Variants in CCDC7 observed in about 807,000 individuals in gnomAD.
The protein encoded by CCDC7 is coiled-coil domain containing 7.
CCDC7 carries 183 observed loss-of-function variants against 196.9 expected under a neutral mutation model. That is an observed-to-expected ratio of 0.93 (90% CI 0.82 to 1.05). The LOEUF is 1.05. Ranked by LOEUF, CCDC7 falls within the 50% of genes least tolerant of loss-of-function variation. CCDC7 has a pLI of 0.00. For missense variants in CCDC7, 1,540 were observed against 1,482.2 expected (o/e 1.04, Z -0.64); for synonymous variants, 525 against 484.6 (o/e 1.08, Z -1.10).
chr10:32,739,639 G>A (rs1195610261), intron 28 of CCDC7, among the ~76,000 whole-genome samples: 1 of 150,474 alleles, frequency 6.6e-6, no homozygotes, highest in Non-Finnish European at 1.5e-5. Context: ...TGCTTAAACT[G>A]TCTCTTCAGA....
intron 18 of CCDC7, among the ~76,000 whole-genome samples, chr10:32,633,738 A>G (rs11009007): frequency 0.34 from 43,694 of 130,344 alleles, 7,856 homozygotes; most frequent in East Asian, 0.65. Flanking sequence ...GTGTATATAT[A>G]TGTGTGTGTG....
intron 20 of CCDC7, among the ~76,000 whole-genome samples, chr10:32,653,906 A>G (rs1279136089): frequency 1.3e-5 from 2 of 152,160 alleles, no homozygotes; most frequent in Admixed American, 6.5e-5. Context: ...TTATTAAAAA[A>G]GTTTTTTCTT....
At chr10:32,568,875 T>C (rs1405902704) in intron 15 of CCDC7, among the ~76,000 whole-genome samples, 2 of 152,238 alleles carry the variant, frequency 1.3e-5, no homozygotes, top group African/African-American at 4.8e-5. Flanking sequence ...TTCAGGTCTT[T>C]CTCGCTCCAA....
rs138020246 is a variant in CCDC7 at position 32,679,559 on chromosome 10, T to C, written c.2123-6411T>C. Among the ~76,000 whole-genome samples the C allele has an allele frequency of 8.7e-4, 132 of 152,328 alleles. 1 individual carries two copies. The highest frequency in any genetic ancestry group is 2.9e-3 in the African/African-American group (120 of 41,560). Reference sequence around the variant, plus strand: ...TCTCATTAATCTTCTTTTTAATTGTTTGATCAGAGAGAGCCAGAGCCAGTA... The same window carrying C: ...TCTCATTAATCTTCTTTTTAATTGTCTGATCAGAGAGAGCCAGAGCCAGTA... On this transcript the variant is annotated intron_variant, in intron 21 of 41. Coordinates refer to ENST00000639629, the Ensembl canonical transcript of CCDC7.
intron 31 of CCDC7, among the ~76,000 whole-genome samples, chr10:32,819,994 G>A (rs545829691): frequency 6.6e-6 from 1 of 152,190 alleles, no homozygotes; most frequent in Non-Finnish European, 1.5e-5. Context: ...GGAAATAAAG[G>A]GTATTCAATT....
chr10:32,679,053 A>T (rs991109431), intron 21 of CCDC7, among the ~76,000 whole-genome samples: 14 of 152,114 alleles, frequency 9.2e-5, no homozygotes, highest in African/African-American at 3.1e-4. Flanking sequence ...GTATTTGGGC[A>T]TATGTTTCAT....
chr10:32,837,855 C>G (rs1320875611), intron 33 of CCDC7, among the ~76,000 whole-genome samples: 1 of 145,154 alleles, frequency 6.9e-6, no homozygotes, highest in Non-Finnish European at 1.5e-5. Context: ...TGTTCTCACT[C>G]ATAGGTGGGA....
intron 31 of CCDC7, among the ~76,000 whole-genome samples, chr10:32,816,660 G>A (rs1280819479): frequency 1.3e-5 from 2 of 152,174 alleles, no homozygotes; most frequent in Non-Finnish European, 2.9e-5. Context: ...CGATCAGGCA[G>A]CAACATTTGC....
At chr10:32,657,957 C>T (rs2070335667) in intron 20 of CCDC7, among the ~76,000 whole-genome samples, 1 of 152,218 alleles carries the variant, frequency 6.6e-6, no homozygotes, top group South Asian at 2.1e-4. Context: ...CTACCAGTCT[C>T]TTTGCTAAAG....
intron 8 of CCDC7, among the ~76,000 whole-genome samples, chr10:32,479,657 T>G (rs2039607301): frequency 6.6e-6 from 1 of 152,178 alleles, no homozygotes; most frequent in Non-Finnish European, 1.5e-5. Flanking sequence ...GATATTGGAC[T>G]GTGTTTTCTT....
In CCDC7 at chr10:32,781,201, G is replaced by T. The variant is rs542990561; in HGVS notation, c.3013+2117G>T. ...AACAAAGAAAAATCCAGGACCAGACGACTTTATGGGTGAATATTACCAAAT... is the reference window on the plus strand; with the variant it reads ...AACAAAGAAAAATCCAGGACCAGACTACTTTATGGGTGAATATTACCAAAT... On this transcript the variant is annotated intron_variant, in intron 29 of 41. Coordinates refer to ENST00000639629, the Ensembl canonical transcript of CCDC7. Among the ~76,000 whole-genome samples, 3 of 152,170 alleles carry T rather than the reference G, an allele frequency of 2.0e-5. No homozygotes were observed. In the South Asian group the frequency reaches 6.2e-4, roughly 32 times the overall value.
chr10:32,456,309 A>C (rs777946513), exon 3 of CCDC7: 13 of 1,573,770 alleles, frequency 8.3e-6, no homozygotes, highest in Non-Finnish European at 1.0e-5. Context: ...GCTCAGCTAG[A>C]AGAAGCACTT....
At chr10:32,615,927 A>T (rs1476390417) in intron 18 of CCDC7, among the ~76,000 whole-genome samples, 2 of 152,048 alleles carry the variant, frequency 1.3e-5, no homozygotes, top group Non-Finnish European at 2.9e-5. Flanking sequence ...TTGAATTAGG[A>T]TATCTTTTCC....
Position 32,702,403 on chromosome 10 carries a change from T to G in CCDC7, c.2458+7411T>G, listed in dbSNP as rs992928042. 6.6e-5 allele frequency among the ~76,000 whole-genome samples: 10 copies of G among 152,126 alleles called. 1 individual carries two copies. The highest frequency in any genetic ancestry group is 2.1e-4 in the South Asian group (1 of 4,824). On this transcript the variant is annotated intron_variant, in intron 24 of 41. Coordinates refer to ENST00000639629, the Ensembl canonical transcript of CCDC7. ...TGAGAGACAGTTTGTTATAATTTCT[T>G]TGCTTTTACATTTGCTGAGGAGTGC...
intron 28 of CCDC7, among the ~76,000 whole-genome samples, chr10:32,768,852 C>G (rs531585291): frequency 6.6e-6 from 1 of 152,050 alleles, no homozygotes; most frequent in Non-Finnish European, 1.5e-5. Flanking sequence ...ATCCTTGAAT[C>G]CCTGGAATAA....
intron 20 of CCDC7, among the ~76,000 whole-genome samples, chr10:32,654,290 C>G (rs1476949968): frequency 6.6e-6 from 1 of 152,106 alleles, no homozygotes; most frequent in Non-Finnish European, 1.5e-5. Flanking sequence ...GAATCTTTGT[C>G]TAGTAAGTCC....
intron 24 of CCDC7, among the ~76,000 whole-genome samples, chr10:32,706,324 G>T (rs573230066): frequency 2.6e-4 from 40 of 152,230 alleles, no homozygotes; most frequent in African/African-American, 8.9e-4. Flanking sequence ...AAAGCAGTAT[G>T]TAGAGGGAAA....
At chr10:32,760,885 G>C (rs2077361909) in intron 28 of CCDC7, among the ~76,000 whole-genome samples, 1 of 151,954 alleles carries the variant, frequency 6.6e-6, no homozygotes. Context: ...ATAGAAGATA[G>C]AAGTATGCCT....
chr10:32,860,494 A>G (rs1251330162), intron 41 of CCDC7, among the ~76,000 whole-genome samples: 1 of 152,200 alleles, frequency 6.6e-6, no homozygotes, highest in Non-Finnish European at 1.5e-5. Context: ...TTCCCTTTTA[A>G]AACCGGCACA....
Sources: allele counts gnomAD v4.1 joint callset (sites outside exome capture counted in the v4.1 genomes callset), GRCh38; gene constraint gnomAD v4.1.1; transcripts MANE v1.5; gene names NCBI Gene and HGNC (gene_info 2026-07-23, HGNC 2026-07-21).